Variants in PHLDB2 observed in about 807,000 individuals in gnomAD.
The protein encoded by PHLDB2 is pleckstrin homology like domain family B member 2.
In PHLDB2, 71 loss-of-function variants were observed where a neutral mutation model predicts 123.6. The observed-to-expected ratio is 0.57, with a 90% CI of 0.47 to 0.70. The LOEUF is 0.70. PHLDB2 is among the 30% of genes least tolerant of loss of function. The probability of loss-of-function intolerance (pLI) is 0.00; values close to 1 mark genes in which losing one functional copy is unlikely to be tolerated. For missense variants in PHLDB2, 1,446 were observed against 1,519.5 expected (o/e 0.95, Z 0.80); for synonymous variants, 547 against 541.6 (o/e 1.01, Z -0.14).
chr3:111,834,078 TAC>T lies in PHLDB2; in HGVS notation c.-48-11742_-48-11741del, dbSNP rs1389631007. Among the ~76,000 whole-genome samples, 18 of 119,834 alleles carry T rather than the reference TAC, an allele frequency of 1.5e-4. 1 individual carries two copies. The highest frequency in any genetic ancestry group is 6.1e-4 in the African/African-American group (17 of 27,878). 78.6% of individuals were successfully genotyped at this position (119,834 alleles called of 152,430 possible). On this transcript the variant is annotated intron_variant, in intron 1 of 17. Transcript: ENST00000393923. ...ATAATATATGTAATAGAATTATATA[TAC>T]TATATATGTAATAGAATTATATATA... is the stretch of plus-strand genomic sequence containing the variant.
chr3:111,913,654 C>A lies in PHLDB2; in HGVS notation c.1671C>A (p.Thr557=). 1 of 1,613,944 alleles carries A rather than the reference C, an allele frequency of 6.2e-7. No individual in the cohort carries two copies. The highest frequency in any genetic ancestry group is 8.5e-7 in the Non-Finnish European group (1 of 1,179,826). Residue 557 remains threonine (T), a synonymous_variant, in exon 3 of 18, where the codon ACC becomes ACA. Transcript: ENST00000431670. ...GGACTCCTCCACCACCATCCTCCAC[C>A]TTTCCGAAAGCTTCCAGCGAGTCCT... ...LTRTPPPPSS[T]FPKASSESSY...
At chr3:111,794,968 T>C (rs2061091976) in intron 1 of PHLDB2, among the ~76,000 whole-genome samples, 1 of 152,210 alleles carries the variant, frequency 6.6e-6, no homozygotes, top group Non-Finnish European at 1.5e-5. Flanking sequence ...CAGCTGTTTT[T>C]ATGTTCACTC....
intron 1 of PHLDB2, among the ~76,000 whole-genome samples, chr3:111,799,206 A>C (rs1468048667): frequency 6.6e-6 from 1 of 152,182 alleles, no homozygotes; most frequent in Admixed American, 6.5e-5. Flanking sequence ...ACTAAAATTC[A>C]AGATGAGATT....
At chr3:111,874,449 C>G (rs1180316052) in intron 1 of PHLDB2, among the ~76,000 whole-genome samples, 1 of 152,164 alleles carries the variant, frequency 6.6e-6, no homozygotes, top group Non-Finnish European at 1.5e-5. Flanking sequence ...TTAGCATCCT[C>G]ATAGTAACAA....
At chr3:111,966,880 C>G (rs1411460059) in intron 14 of PHLDB2, among the ~76,000 whole-genome samples, 177 bp downstream of exon 14, 1 of 151,894 alleles carries the variant, frequency 6.6e-6, no homozygotes, top group East Asian at 1.9e-4. Flanking sequence ...TTCTAAGGCT[C>G]TCTACTGCAG....
intron 1 of PHLDB2, among the ~76,000 whole-genome samples, chr3:111,778,681 A>G (rs1031813257): frequency 6.6e-6 from 1 of 152,096 alleles, no homozygotes; most frequent in African/African-American, 2.4e-5. Context: ...CTCTCATTAC[A>G]GAGTCCATAG....
intron 1 of PHLDB2, among the ~76,000 whole-genome samples, chr3:111,864,519 T>A (rs938306496): frequency 6.6e-6 from 1 of 152,136 alleles, no homozygotes; most frequent in African/African-American, 2.4e-5. Context: ...TCTTAGACAT[T>A]GCAGAAAAGG....
intron 6 of PHLDB2, among the ~76,000 whole-genome samples, chr3:111,938,638 T>C (rs1393592280): frequency 6.6e-6 from 1 of 152,066 alleles, no homozygotes; most frequent in Non-Finnish European, 1.5e-5. Context: ...TTCTGCACAG[T>C]CCAGCAGATT....
intron 14 of PHLDB2, among the ~76,000 whole-genome samples, chr3:111,967,240 G>A (rs991076114): frequency 7.9e-5 from 12 of 152,158 alleles, no homozygotes; most frequent in African/African-American, 2.7e-4. Flanking sequence ...CTTCCTCTGT[G>A]ACCTTCAGCC....
chr3:111,821,904 G>A (rs2062402648), intron 1 of PHLDB2, among the ~76,000 whole-genome samples: 1 of 152,194 alleles, frequency 6.6e-6, no homozygotes, highest in South Asian at 2.1e-4. Flanking sequence ...GGCCCAGCAG[G>A]CTCTAATGGT....
intron 1 of PHLDB2, among the ~76,000 whole-genome samples, chr3:111,830,795 C>A (rs2062925242): frequency 1.1e-5 from 1 of 88,332 alleles, no homozygotes; most frequent in South Asian, 4.6e-4. Context: ...GGCGACAGAG[C>A]GAGACTCCGT....
chr3:111,856,127 T>A (rs1345436007), upstream of PHLDB2, among the ~76,000 whole-genome samples: 3 of 152,236 alleles, frequency 2.0e-5, no homozygotes, highest in East Asian at 5.8e-4. Context: ...GGAGTATGAT[T>A]CATACAAATA....
chr3:111,937,558 T>G (rs575735411), intron 6 of PHLDB2, among the ~76,000 whole-genome samples: 4 of 151,852 alleles, frequency 2.6e-5, no homozygotes, highest in South Asian at 4.2e-4. Context: ...CTGAGGTGAG[T>G]GGATTGCTTG....
chr3:111,823,226 A>G (rs75098209), intron 1 of PHLDB2, among the ~76,000 whole-genome samples: 10,219 of 152,278 alleles, frequency 0.067, 583 homozygotes, highest in East Asian at 0.25. Context: ...TGGAGCTGCA[A>G]TTTCAACAGT....
At chr3:111,845,872 G>A in exon 2 of PHLDB2, 1 of 1,614,170 alleles carries the variant, frequency 6.2e-7, no homozygotes, top group East Asian at 2.2e-5. Context: ...GATCCTGATG[G>A]AGGAGGAGGA....
At chr3:111,775,726 G>C (rs1018680098) in intron 1 of PHLDB2, among the ~76,000 whole-genome samples, 35 of 152,240 alleles carry the variant, frequency 2.3e-4, no homozygotes, top group African/African-American at 7.9e-4. Flanking sequence ...GTTTGACCCA[G>C]AGAATAATTA....
intron 2 of PHLDB2, among the ~76,000 whole-genome samples, chr3:111,908,078 C>T (rs978202118): frequency 4.6e-5 from 7 of 152,148 alleles, no homozygotes; most frequent in African/African-American, 1.7e-4. Context: ...TCCAGCTTGG[C>T]TGATAACCCA....
intron 8 of PHLDB2, among the ~76,000 whole-genome samples, chr3:111,941,527 C>T (rs11705909): frequency 0.3 from 45,982 of 152,104 alleles, 7,463 homozygotes; most frequent in Middle Eastern, 0.41. Flanking sequence ...AAGGGGAAGG[C>T]CTGACACCAT....
At chr3:111,865,314 A>G (rs112133979) in intron 1 of PHLDB2, among the ~76,000 whole-genome samples, 1,643 of 152,330 alleles carry the variant, frequency 0.011, 17 homozygotes, top group Non-Finnish European at 0.018. Flanking sequence ...CATAACTCTG[A>G]CCAGGCCTTT....
Sources: allele counts gnomAD v4.1 joint callset (sites outside exome capture counted in the v4.1 genomes callset), GRCh38; gene constraint gnomAD v4.1.1; transcripts MANE v1.5; gene names NCBI Gene and HGNC (gene_info 2026-07-23, HGNC 2026-07-21).